TMEM221: variants seen among roughly 807,000 people sequenced by gnomAD.
TMEM221 encodes the protein transmembrane protein 221.
In TMEM221, 11 loss-of-function variants were observed where a neutral mutation model predicts 10.2. The observed-to-expected ratio is 1.08, with a 90% CI of 0.68 to 1.79. TMEM221 has a LOEUF of 1.79. Among genes scored for constraint, TMEM221 ranks in the 40% most tolerant of loss-of-function variants. The probability of loss-of-function intolerance (pLI) is 0.00; values close to 1 mark genes in which losing one functional copy is unlikely to be tolerated. For synonymous variants in TMEM221, 172 were observed against 199.8 expected (o/e 0.86, Z 1.18); for missense variants, 382 against 417.7 (o/e 0.91, Z 0.75).
At chr19:17,443,793 C>T (rs968373654) in intron 2 of TMEM221, among the ~76,000 whole-genome samples, 5 of 151,810 alleles carry the variant, frequency 3.3e-5, no homozygotes, top group South Asian at 2.1e-4. Context: ...GCATTGAGTC[C>T]GCAGCATCAT....
rs1384676413 is a variant in TMEM221, at chr19:17,436,918, A to G, written c.416T>C (p.Ile139Thr). The change falls in exon 3 of 3, where the codon ATC (isoleucine) becomes ACC (threonine). Residue 139 changes from isoleucine to threonine, a missense_variant. By Grantham distance (89) the Ile-to-Thr change is moderately conservative (BLOSUM62 -1). Transcript: ENST00000341130. Reference sequence around the variant, plus strand: ...GATCTCGAAAAGTAGCAAGGCATAGATGGACAGTGCTAGGGAAGGAAACGA... The same window carrying G: ...GATCTCGAAAAGTAGCAAGGCATAGGTGGACAGTGCTAGGGAAGGAAACGA... ...GISVYLAALSIYALLLFEIET... is the reference protein window; with the variant it reads ...GISVYLAALSTYALLLFEIET... 7.1e-7 allele frequency: 1 copy of G among 1,404,106 alleles called. No individual in the cohort carries two copies. Among genetic ancestry groups the G allele is most frequent in the African/African-American group, 1.4e-5 (1 of 69,098 alleles). The allele number at this position is 1,404,106 out of a possible 1,614,324, so 87.0% of individuals were successfully genotyped here. A position where few individuals can be genotyped will look rare whatever the true frequency, so the allele number is the denominator to read the frequency against.
At chr19:17,443,406 ACCT>A (rs1311218386) in intron 2 of TMEM221, among the ~76,000 whole-genome samples, 1 of 151,462 alleles carries the variant, frequency 6.6e-6, no homozygotes, top group Non-Finnish European at 1.5e-5. Context: ...GCTCTCTGAA[ACCT>A]CCACCTCTCA....
At chr19:17,443,332 T>C (rs1279238835) in intron 2 of TMEM221, among the ~76,000 whole-genome samples, 1 of 151,480 alleles carries the variant, frequency 6.6e-6, no homozygotes, top group African/African-American at 2.4e-5. Flanking sequence ...TTTATTTATT[T>C]ATTTATTTAT....
chr19:17,445,217 T>G lies in TMEM221; in HGVS notation c.388A>C (p.Ile130Leu). 6.5e-7 allele frequency: 1 copy of G among 1,535,728 alleles called. No homozygotes were observed. Among genetic ancestry groups the G allele is most frequent in the Non-Finnish European group, 8.7e-7 (1 of 1,146,698 alleles). Residue 130 changes from isoleucine (I) to leucine (L), a missense_variant, in exon 2 of 3, where the codon ATC (isoleucine) becomes CTC (leucine). By Grantham distance (5) the Ile-to-Leu change is conservative (BLOSUM62 2). Transcript: ENST00000341130. ...CACACACCTGCTAAATAGACGGAGA[T>G]CCCACAGCAGAAAAGGCCAAGGGCC... ...HVALGLFCCG[I>L]SVYLAALSIY... is the part of the protein sequence containing the mutation.
chr19:17,438,456 G>A (rs927798499), intron 2 of TMEM221, among the ~76,000 whole-genome samples: 4 of 152,030 alleles, frequency 2.6e-5, no homozygotes, highest in Non-Finnish European at 5.9e-5. Flanking sequence ...ATTCCTGAGC[G>A]CAAGTGGTCC....
chr19:17,439,023 C>T (rs1027351775), intron 2 of TMEM221, among the ~76,000 whole-genome samples: 4 of 151,366 alleles, frequency 2.6e-5, no homozygotes, highest in East Asian at 2.0e-4. Flanking sequence ...CTGGCTAACA[C>T]GGTGAAACCT....
At chr19:17,445,895 C>T (rs1443562920) in intron 1 of TMEM221, among the ~76,000 whole-genome samples, 1 of 150,810 alleles carries the variant, frequency 6.6e-6, no homozygotes, top group Non-Finnish European at 1.5e-5. Context: ...ACCCATTCAT[C>T]CATCCATACA....
In TMEM221 at chr19:17,436,637, TGGACCCAAA is replaced by T. The variant is rs1362896095; in HGVS notation, c.688_696del (p.Phe230_Ser232del). On this transcript the variant is annotated inframe_deletion, in exon 3 of 3. Transcript: ENST00000341130. ...GCTGCAGGTGCTGTGGCAGTGGCCA[TGGACCCAAA>T]GGGGTCCCCAGGCTCTGGACAGGTT... 6.5e-7 allele frequency: 1 copy of T among 1,535,956 alleles called. No individual in the cohort carries two copies. The highest frequency in any genetic ancestry group is 8.7e-7 in the Non-Finnish European group (1 of 1,146,874).
At chr19:17,444,247 A>AT (rs1266057085) in intron 2 of TMEM221, among the ~76,000 whole-genome samples, 2 of 150,896 alleles carry the variant, frequency 1.3e-5, no homozygotes, top group Non-Finnish European at 3.0e-5. Flanking sequence ...TGCCCGGCTA[A>AT]TTTTTTTGTA....
chr19:17,439,697 G>GAA (rs71162129), intron 2 of TMEM221, among the ~76,000 whole-genome samples: 4,580 of 134,798 alleles, frequency 0.034, 200 homozygotes, highest in African/African-American at 0.1. Flanking sequence ...CGAGAAAAAA[G>GAA]AAAAAAAAAA....
At position 17,436,510 on chromosome 19, in the gene TMEM221, C is replaced by T. The variant is rs1298111634; in HGVS notation, c.824G>A (p.Arg275Gln). Residue 275 changes from arginine (R) to glutamine (Q), a missense_variant, in exon 3 of 3, where the codon CGA (arginine) becomes CAA (glutamine). Coordinates refer to ENST00000341130, the MANE Select transcript of TMEM221 (RefSeq NM_001190844.2). ...HWDGVTHEMRRMLGHRPGSMG... is the reference protein window; with the variant it reads ...HWDGVTHEMRQMLGHRPGSMG... ...GCTCCCTGGTCTGTGGCCCAGCATT[C>T]GACGCATCTCGTGCGTAACCCCGTC... is the stretch of plus-strand genomic sequence containing the variant. The T allele has an allele frequency of 1.1e-5, 17 of 1,534,578 alleles. 1 individual carries two copies. The Admixed American group carries it at 1.4e-4, about 12-fold the overall frequency.
At chr19:17,444,545 A>G (rs561106130) in intron 2 of TMEM221, among the ~76,000 whole-genome samples, 1 of 103,936 alleles carries the variant, frequency 9.6e-6, no homozygotes, top group African/African-American at 3.9e-5. Flanking sequence ...TTTTAATGAG[A>G]TAGGGTCTCG....
chr19:17,440,500 C>T (rs1445096790), intron 2 of TMEM221, among the ~76,000 whole-genome samples: 16 of 152,132 alleles, frequency 1.1e-4, no homozygotes, highest in Admixed American at 1.0e-3. Context: ...GCTGGGATTA[C>T]AGGCGTGAGC....
intron 2 of TMEM221, chr19:17,444,810 A>ATAGTT (rs373947699): frequency 1.5e-5 from 2 of 129,642 alleles, no homozygotes; most frequent in African/African-American, 5.5e-5. Context: ...ATATATATAT[A>ATAGTT]GTTTTTTTTT....
At chr19:17,440,551 T>TA (rs1182497005) in intron 2 of TMEM221, among the ~76,000 whole-genome samples, 10 of 152,142 alleles carry the variant, frequency 6.6e-5, no homozygotes, top group African/African-American at 2.2e-4. Flanking sequence ...TTGTTATGTG[T>TA]ACTTTGCCAC....
chr19:17,445,374 A>G (rs2074949006), intron 1 of TMEM221, 90 bp from the exon 2 acceptor site: 1 of 1,113,196 alleles, frequency 9.0e-7, no homozygotes, highest in South Asian at 1.5e-5. Flanking sequence ...GAGCCGCTTA[A>G]ATGAGACAAG....
chr19:17,436,438 T>C lies in TMEM221; in HGVS notation c.*20A>G. ...TGGTATCCTTTTCTTACACCAGGTC[T>C]CTATTCCTCATCCCTGGGCTCACAC... On this transcript the variant is annotated 3_prime_UTR_variant, in exon 3 of 3. Coordinates refer to ENST00000341130, the MANE Select transcript of TMEM221 (RefSeq NM_001190844.2). 6.8e-7 allele frequency: 1 copy of C among 1,479,096 alleles called. No homozygotes were observed. Among genetic ancestry groups the C allele is most frequent in the Non-Finnish European group, 9.0e-7 (1 of 1,111,856 alleles). The allele number at this position is 1,479,096 out of a possible 1,614,324, so 91.6% of individuals were successfully genotyped here.
chr19:17,436,968 A>G (rs2074912317), intron 2 of TMEM221, 41 bp from the exon 3 acceptor site: 5 of 1,354,562 alleles, frequency 3.7e-6, no homozygotes, highest in Non-Finnish European at 4.8e-6. Flanking sequence ...GTCAACAAAC[A>G]TTTGCCCTCC....
intron 1 of TMEM221, 120 bp from the exon 2 acceptor site, chr19:17,445,404 CA>C: frequency 2.8e-6 from 2 of 720,946 alleles, no homozygotes; most frequent in Non-Finnish European, 4.4e-6. Flanking sequence ...TTCAGGGACC[CA>C]AAATCTATGT....
Sources: gnomAD v4.1 joint callset for allele counts (sites outside exome capture counted in the v4.1 genomes callset) on GRCh38, gnomAD v4.1.1 for gene constraint, MANE v1.5 for transcripts, NCBI Gene and HGNC (gene_info 2026-07-23, HGNC 2026-07-21) for gene names.